The following THAP4 variants were observed in gnomAD, a reference collection of about 807,000 sequenced individuals.
THAP4 encodes THAP domain containing 4.
A neutral mutation model predicts 48.1 loss-of-function variants in THAP4; 18 were observed. The ratio of observed to expected loss-of-function variants is 0.37; its 90% CI spans 0.26 to 0.56. The LOEUF (loss-of-function observed/expected upper bound fraction) is 0.56. THAP4 is among the 20% of genes least tolerant of loss of function. THAP4 has a pLI of 0.78. For synonymous variants in THAP4, 345 were observed against 324.9 expected, an observed-to-expected ratio of 1.06 and a Z score of -0.66; for missense variants, 656 against 774.9, an observed-to-expected ratio of 0.85 and a Z score of 1.82.
rs749917188 is a variant in THAP4, at chr2:241,612,955, A to G, written c.1241-6482T>C. On this transcript the variant is annotated intron_variant, in intron 2 of 5. Coordinates refer to ENST00000407315, the MANE Select transcript of THAP4 (RefSeq NM_015963.6). This position sits in a 1 kb window ranked among gnomAD's most constrained non-coding sequence, Gnocchi z 4.1. ...GTCCAAAAAGTCTTCAAATAATTCA[A>G]TAATCTTATAGTATGGGTGGTTGCC... 6.6e-6 allele frequency among the ~76,000 whole-genome samples: 1 copy of G among 152,254 alleles called. No homozygotes were observed. The highest frequency in any genetic ancestry group is 1.9e-4 in the East Asian group (1 of 5,198).
chr2:241,618,961 T>C (rs1185571477), intron 2 of THAP4, among the ~76,000 whole-genome samples: 3 of 152,172 alleles, frequency 2.0e-5, no homozygotes, highest in Non-Finnish European at 2.9e-5. Context: ...TCATCTCAGC[T>C]GGGAAGGGCA....
chr2:241,602,822 G>A lies in THAP4; in HGVS notation c.1510+148C>T, dbSNP rs1049058332. On this transcript the variant is annotated intron_variant, in intron 4 of 5. Coordinates refer to ENST00000407315, the MANE Select transcript of THAP4 (RefSeq NM_015963.6). ...CACAGTCGGCCCCGCAGGCTCCCAG[G>A]ACCACTCTCAACACTCAGGGCCATC... 2.3e-5 allele frequency: 15 copies of A among 651,530 alleles called. No homozygotes were observed. The African/African-American group carries it at 2.5e-4, about 11-fold the overall frequency. 40.4% of individuals were successfully genotyped at this position (651,530 alleles called of 1,614,324 possible).
chr2:241,620,582 G>T (rs1286906965), intron 2 of THAP4, among the ~76,000 whole-genome samples: 2 of 146,122 alleles, frequency 1.4e-5, no homozygotes, highest in African/African-American at 5.1e-5. Flanking sequence ...GGTGAGTGAG[G>T]GGTGAAGGGT....
rs1054434298 is a variant in THAP4, at chr2:241,612,972, G to T, written c.1241-6499C>A. 2.0e-5 allele frequency among the ~76,000 whole-genome samples: 3 copies of T among 152,180 alleles called. No homozygotes were observed. Among genetic ancestry groups the T allele is most frequent in the African/African-American group, 4.8e-5 (2 of 41,444 alleles). The stretch of plus-strand genomic sequence containing the variant: ...ATAATTCAATAATCTTATAGTATGG[G>T]TGGTTGCCTGTTGAAATAATTTTTA... On this transcript the variant is annotated intron_variant, in intron 2 of 5. Coordinates refer to ENST00000407315, the MANE Select transcript of THAP4 (RefSeq NM_015963.6). The surrounding 1 kb of genome is among the most constrained non-coding windows in gnomAD (Gnocchi z 4.1).
intron 2 of THAP4, among the ~76,000 whole-genome samples, chr2:241,618,319 A>G (rs1249193883): frequency 3.9e-5 from 6 of 152,256 alleles, no homozygotes; most frequent in Non-Finnish European, 8.8e-5. Flanking sequence ...AAAAGGCCAT[A>G]AAGTGGATAC....
rs926073974 is a variant in THAP4, at chr2:241,610,655, G to A, written c.1241-4182C>T. 1.3e-5 allele frequency among the ~76,000 whole-genome samples: 2 copies of A among 151,300 alleles called. No homozygotes were observed. The highest frequency in any genetic ancestry group is 2.4e-5 in the African/African-American group (1 of 41,226). Reference sequence around the variant, plus strand: ...ATCTACTTGGCAGACGCCTCTCACCGGCAGCCTCTGCCTCCCCCTGGTCTT... The same window carrying A: ...ATCTACTTGGCAGACGCCTCTCACCAGCAGCCTCTGCCTCCCCCTGGTCTT... On this transcript the variant is annotated intron_variant, in intron 2 of 5. Transcript: ENST00000407315. The surrounding 1 kb of genome is among the most constrained non-coding windows in gnomAD (Gnocchi z 4.2).
chr2:241,637,057 T>A lies in THAP4; in HGVS notation c.-40A>T. On this transcript the variant is annotated 5_prime_UTR_variant, in exon 1 of 6. Coordinates refer to ENST00000407315, the MANE Select transcript of THAP4 (RefSeq NM_015963.6). ...CAGCCGCGCAGCCAGGCCCCGGCCCTAGCCGCCCGCCCGCCCGCGGACCGC... is the reference window on the plus strand; with the variant it reads ...CAGCCGCGCAGCCAGGCCCCGGCCCAAGCCGCCCGCCCGCCCGCGGACCGC... 1 of 1,135,604 alleles carries A rather than the reference T, an allele frequency of 8.8e-7. No homozygotes were observed. The highest frequency in any genetic ancestry group is 1.1e-6 in the Non-Finnish European group (1 of 916,830). 70.3% of individuals were successfully genotyped at this position (1,135,604 alleles called of 1,614,324 possible).
At position 241,602,554 on chromosome 2, in the gene THAP4, C is replaced by T. The variant is rs187669400; in HGVS notation, c.1510+416G>A. 2.9e-3 allele frequency among the ~76,000 whole-genome samples: 444 copies of T among 152,164 alleles called. 1 individual carries two copies. Among genetic ancestry groups the T allele is most frequent in the African/African-American group, 0.01 (416 of 41,524 alleles). ...CTAATTTTTGTATTTTTAGTAGAGA[C>T]GGGATTTCAGTATGTTGGCCAGGCT... On this transcript the variant is annotated intron_variant, in intron 4 of 5. Coordinates refer to ENST00000407315, the MANE Select transcript of THAP4 (RefSeq NM_015963.6).
At chr2:241,609,977 G>A (rs893545992) in intron 2 of THAP4, among the ~76,000 whole-genome samples, 13 of 152,270 alleles carry the variant, frequency 8.5e-5, no homozygotes, top group Admixed American at 2.6e-4. Context: ...CGGGCGCTGG[G>A]GAGCAGCGAT....
rs151188524 is a variant in THAP4, at chr2:241,597,792, C to T, written c.1614+4104G>A. The stretch of plus-strand genomic sequence containing the variant: ...TCCAGCTTCTGTCCATTAAGTCGCT[C>T]GGTAGAGGTCCCCAAAGCCCCCAGG... On this transcript the variant is annotated intron_variant, in intron 5 of 5. Transcript: ENST00000407315. Among the ~76,000 whole-genome samples the T allele has an allele frequency of 5.5e-4, 84 of 152,304 alleles. 3 individuals are homozygous for T. Among genetic ancestry groups the T allele is most frequent in the Admixed American group, 4.4e-3 (67 of 15,296 alleles).
chr2:241,608,762 A>G (rs1351551427), intron 2 of THAP4, among the ~76,000 whole-genome samples: 1 of 152,246 alleles, frequency 6.6e-6, no homozygotes, highest in Non-Finnish European at 1.5e-5. Flanking sequence ...AACTGAATGT[A>G]CATTAGGAGA....
At chr2:241,634,133 A>T in intron 1 of THAP4, 54 bp from the exon 2 acceptor site, 1 of 1,363,920 alleles carries the variant, frequency 7.3e-7, no homozygotes, top group Non-Finnish European at 9.9e-7. Flanking sequence ...CTCCCCTTAA[A>T]ATAATCAACT....
chr2:241,625,573 G>A (rs1166305683), intron 2 of THAP4, among the ~76,000 whole-genome samples: 1 of 150,914 alleles, frequency 6.6e-6, no homozygotes, highest in Non-Finnish European at 1.5e-5. Context: ...GAGGCAGGCA[G>A]ATCACGAGGT....
intron 2 of THAP4, among the ~76,000 whole-genome samples, chr2:241,608,713 G>A (rs1429496534): frequency 2.0e-5 from 3 of 152,346 alleles, no homozygotes; most frequent in East Asian, 3.9e-4. Context: ...ACATCCTAGC[G>A]AGGGCAGACA....
chr2:241,590,571 T>C (rs868076774), intron 5 of THAP4, among the ~76,000 whole-genome samples: 94 of 79,520 alleles, frequency 1.2e-3, no homozygotes, highest in East Asian at 2.0e-3. Context: ...GCCCGGCTGA[T>C]GATGAGGGGC....
rs1412171072 is a variant in THAP4, at chr2:241,610,848, AGGGCCAGAGAGACACGGGGATG to A, written c.1241-4397_1241-4376del. Among the ~76,000 whole-genome samples the A allele has an allele frequency of 1.3e-5, 2 of 151,950 alleles. No individual in the cohort carries two copies. The highest frequency in any genetic ancestry group is 6.6e-5 in the Admixed American group (1 of 15,258). ...GACAGAGACACAGAGACAGAGAGAC[AGGGCCAGAGAGACACGGGGATG>A]GGGCCAGAGACGGGGCCAGAGACAG... On this transcript the variant is annotated intron_variant, in intron 2 of 5. Coordinates refer to ENST00000407315, the MANE Select transcript of THAP4 (RefSeq NM_015963.6). The surrounding 1 kb of genome is among the most constrained non-coding windows in gnomAD (Gnocchi z 4.2).
chr2:241,608,048 A>T (rs1456911285), intron 2 of THAP4, among the ~76,000 whole-genome samples: 2 of 151,946 alleles, frequency 1.3e-5, no homozygotes, highest in Non-Finnish European at 2.9e-5. Context: ...CGGGGACAGG[A>T]GTTCTTGGAA....
intron 4 of THAP4, 79 bp from the exon 5 acceptor site, chr2:241,602,078 G>A (rs891700592): frequency 1.3e-5 from 18 of 1,434,916 alleles, no homozygotes; most frequent in Admixed American, 1.9e-5. Flanking sequence ...TTGCCTGCAA[G>A]CCGGGACTCC....
intron 2 of THAP4, among the ~76,000 whole-genome samples, chr2:241,632,083 T>A (rs1381958959): frequency 1.3e-5 from 2 of 151,816 alleles, no homozygotes; most frequent in East Asian, 3.9e-4. Flanking sequence ...GAGAATGTGT[T>A]TCAATAGATG....
Sources: allele counts gnomAD v4.1 joint callset (sites outside exome capture counted in the v4.1 genomes callset), GRCh38; gene constraint gnomAD v4.1.1; non-coding constraint Gnocchi (gnomAD v3.1); transcripts MANE v1.5; gene names NCBI Gene and HGNC (gene_info 2026-07-23, HGNC 2026-07-21).